Variants in GLI1 observed in about 807,000 individuals in gnomAD.
GLI1 encodes GLI family zinc finger 1.
In GLI1, 51 loss-of-function variants were observed where a neutral mutation model predicts 87.8. That is an observed-to-expected ratio of 0.58 (90% CI 0.46 to 0.73). The LOEUF is 0.73. Ranked by LOEUF, GLI1 falls within the 30% of genes least tolerant of loss-of-function variation. GLI1 has a pLI of 0.00. For missense variants in GLI1, 1,292 were observed against 1,437.2 expected (o/e 0.90, Z 1.63); for synonymous variants, 528 against 558.2 (o/e 0.95, Z 0.76).
chr12:57,466,764 C>T (rs1040918553), intron 8 of GLI1, among the ~76,000 whole-genome samples: 1 of 151,922 alleles, frequency 6.6e-6, no homozygotes, highest in Non-Finnish European at 1.5e-5. Context: ...ATTAGCTGGG[C>T]GTGGTGATGG....
At chr12:57,466,903 CA>C (rs901293202) in intron 8 of GLI1, among the ~76,000 whole-genome samples, 2 of 150,698 alleles carry the variant, frequency 1.3e-5, no homozygotes, top group Admixed American at 6.6e-5. Flanking sequence ...AACTCCGCCT[CA>C]AAAAAAAAAT....
chr12:57,465,690 C>G lies in GLI1; in HGVS notation c.618C>G (p.Gly206=), dbSNP rs1485799389. ...ATATGTCCAGCCCCAACTCCACAGG[C>G]ATACAGGTAAGGGGATGGGCAGGAG... The part of the protein sequence containing the change: ...EGDMSSPNST[G]IQDPLLGMLD... The change falls in exon 6 of 12, where the codon GGC becomes GGG. Residue 206 remains glycine, a synonymous_variant. Transcript: ENST00000228682. 6.2e-7 allele frequency: 1 copy of G among 1,613,848 alleles called. No individual in the cohort carries two copies. The highest frequency in any genetic ancestry group is 1.7e-5 in the Admixed American group (1 of 60,028).
In GLI1 at chr12:57,470,798, A is replaced by G. The variant is rs754047324; in HGVS notation, c.2058A>G (p.Ser686=). The stretch of plus-strand genomic sequence containing the variant: ...CTTACCTCCCAACCTCTGTCTACTC[A>G]CCACAGCCCCCCAGCATCACTGAGA... ...FDPYLPTSVY[S]PQPPSITENA... The change falls in exon 12 of 12, where the codon TCA becomes TCG. Residue 686 remains serine, a synonymous_variant. Coordinates refer to ENST00000228682, the MANE Select transcript of GLI1 (RefSeq NM_005269.3). The G allele has an allele frequency of 1.9e-5, 31 of 1,612,284 alleles. No homozygotes were observed. The highest frequency in any genetic ancestry group is 2.6e-5 in the Non-Finnish European group (31 of 1,179,084).
intron 5 of GLI1, 65 bp downstream of exon 5, chr12:57,465,320 AG>A: frequency 7.1e-7 from 1 of 1,416,058 alleles, no homozygotes; most frequent in East Asian, 2.3e-5. Context: ...TGGATTTTGT[AG>A]GGGAAAGGTG....
At chr12:57,463,312 G>C (rs1338172753) in intron 1 of GLI1, among the ~76,000 whole-genome samples, 1 of 152,178 alleles carries the variant, frequency 6.6e-6, no homozygotes, top group Admixed American at 6.5e-5. Context: ...CCGCCTCCCA[G>C]GTTCAAGCGA....
At chr12:57,466,560 T>G (rs956200285) in intron 8 of GLI1, among the ~76,000 whole-genome samples, 171 bp downstream of exon 8, 1 of 152,280 alleles carries the variant, frequency 6.6e-6, no homozygotes, top group African/African-American at 2.4e-5. Flanking sequence ...TGATATATAT[T>G]AAAACACTCT....
chr12:57,465,836 G>A lies in GLI1; in HGVS notation c.673G>A (p.Glu225Lys), dbSNP rs764532761. Residue 225 changes from glutamate to lysine, a missense_variant, in exon 7 of 12, where the codon GAG (glutamate) becomes AAG (lysine). Glu to Lys is a moderately conservative substitution (Grantham distance 56). Coordinates refer to ENST00000228682, the MANE Select transcript of GLI1 (RefSeq NM_005269.3). ...TGGGCGGGAGGACCTCGAGAGAGAG[G>A]AGAAGCGTGAGCCTGAATCTGTGTA... is the stretch of plus-strand genomic sequence containing the variant. ...LDGREDLEREEKREPESVYET... is the reference protein window; with the variant it reads ...LDGREDLEREKKREPESVYET... The A allele has an allele frequency of 7.3e-5, 118 of 1,614,000 alleles. No individual in the cohort carries two copies. The highest frequency in any genetic ancestry group is 9.8e-5 in the Non-Finnish European group (116 of 1,179,946).
intron 8 of GLI1, 129 bp downstream of exon 8, chr12:57,466,518 G>C: frequency 1.6e-6 from 1 of 643,562 alleles, no homozygotes; most frequent in Non-Finnish European, 2.6e-6. Flanking sequence ...AATAATGTTT[G>C]TGTGACTGTG....
chr12:57,470,521 C>T lies in GLI1; in HGVS notation c.1781C>T (p.Ala594Val), dbSNP rs541715256. The T allele has an allele frequency of 6.2e-7, 1 of 1,613,986 alleles. No homozygotes were observed. The highest frequency in any genetic ancestry group is 1.1e-5 in the South Asian group (1 of 91,070). The change falls in exon 12 of 12, where the codon GCT (alanine) becomes GTT (valine). Residue 594 changes from alanine (A) to valine (V), a missense_variant. Ala to Val is a moderately conservative substitution (Grantham distance 64). This residue lies in a region of GLI1 where 897 missense variants were observed against 1,040.7 expected (regional missense o/e 0.86). Coordinates refer to ENST00000228682, the MANE Select transcript of GLI1 (RefSeq NM_005269.3). Reference protein sequence around the residue: ...AQHYLLRARYASARGGGTSPT... With the variant: ...AQHYLLRARYVSARGGGTSPT... Reference sequence around the variant, plus strand: ...CACTACCTGCTTCGGGCAAGATATGCTTCAGCCAGAGGGGGTGGTACTTCG... The same window carrying T: ...CACTACCTGCTTCGGGCAAGATATGTTTCAGCCAGAGGGGGTGGTACTTCG...
intron 8 of GLI1, among the ~76,000 whole-genome samples, 179 bp downstream of exon 8, chr12:57,466,568 T>G (rs1871500989): frequency 6.6e-6 from 1 of 152,140 alleles, no homozygotes; most frequent in Admixed American, 6.5e-5. Context: ...ATTAAAACAC[T>G]CTTGGACCTA....
At chr12:57,462,867 C>T (rs544810667) in intron 1 of GLI1, among the ~76,000 whole-genome samples, 1 of 152,238 alleles carries the variant, frequency 6.6e-6, no homozygotes, top group African/African-American at 2.4e-5. Context: ...AGATTGTACA[C>T]GGGCTGTCCC....
Position 57,470,549 on chromosome 12 carries a change from C to T in GLI1, c.1809C>T (p.Pro603=), listed in dbSNP as rs537462592. Residue 603 remains proline (P), a synonymous_variant, in exon 12 of 12, where the codon CCC becomes CCT. Coordinates refer to ENST00000228682, the MANE Select transcript of GLI1 (RefSeq NM_005269.3). The part of the protein sequence containing the change: ...YASARGGGTS[P]TAASSLDRIG... ...CAGCCAGAGGGGGTGGTACTTCGCC[C>T]ACTGCAGCATCCAGCCTGGATCGGA... The T allele has an allele frequency of 2.5e-6, 4 of 1,614,070 alleles. No individual in the cohort carries two copies. The Admixed American group carries it at 6.7e-5, about 27-fold the overall frequency.
chr12:57,466,235 C>T lies in GLI1; in HGVS notation c.763-5C>T. 5 of 1,611,404 alleles carry T rather than the reference C, an allele frequency of 3.1e-6. No individual in the cohort carries two copies. The highest frequency in any genetic ancestry group is 4.2e-6 in the Non-Finnish European group (5 of 1,178,396). On this transcript the variant is annotated splice_polypyrimidine_tract_variant and splice_region_variant and intron_variant, in intron 7 of 11. Coordinates refer to ENST00000228682, the MANE Select transcript of GLI1 (RefSeq NM_005269.3). ...CTTGGAGAGCCTTTGTATCTTCTCC[C>T]TCAGCACATCAACAGCGAGCACATC...
rs1871857623 is a variant in GLI1, at chr12:57,470,846, G to A, written c.2106G>A (p.Gly702=). The change falls in exon 12 of 12, where the codon GGG becomes GGA. Residue 702 remains glycine, a synonymous_variant. Transcript: ENST00000228682. ...ITENAAMDAR[G]LQEEPEVGTS... ...AGAATGCTGCCATGGATGCTAGAGG[G>A]CTACAGGAAGAGCCAGAAGTTGGGA... 7 of 1,609,932 alleles carry A rather than the reference G, an allele frequency of 4.3e-6. No individual in the cohort carries two copies. The highest frequency in any genetic ancestry group is 2.7e-5 in the African/African-American group (2 of 74,972).
chr12:57,468,466 TCTTC>T (rs1432158799), intron 10 of GLI1, among the ~76,000 whole-genome samples: 3 of 151,984 alleles, frequency 2.0e-5, no homozygotes, highest in Non-Finnish European at 4.4e-5. Context: ...TTCTTTCCTT[TCTTC>T]CTTTCTTTCT....
chr12:57,468,152 G>A lies in GLI1; in HGVS notation c.1236G>A (p.Val412=), dbSNP rs1256538585. ...CTCGGGCACCATCCATTTCTACAGT[G>A]GAGCCCAAGAGGGAGCGGGAAGGAG... The part of the protein sequence containing the change: ...PLPRAPSIST[V]EPKREREGGP... The change falls in exon 10 of 12, where the codon GTG becomes GTA. Residue 412 remains valine (V), a synonymous_variant. Transcript: ENST00000228682. 1.2e-6 allele frequency: 2 copies of A among 1,614,094 alleles called. No homozygotes were observed. The highest frequency in any genetic ancestry group is 1.7e-6 in the Non-Finnish European group (2 of 1,180,036).
intron 1 of GLI1, among the ~76,000 whole-genome samples, chr12:57,462,249 G>A (rs983898897): frequency 6.6e-6 from 1 of 151,714 alleles, no homozygotes; most frequent in Non-Finnish European, 1.5e-5. Context: ...CCAAGGTCGA[G>A]TTGGGAGGTC....
chr12:57,467,338 AG>A lies in GLI1; in HGVS notation c.921del (p.Cys308AlafsTer11). ...GACCCCTGCATGTCCCCCAGTTTGA[AG>A]GGTGCCGGAAGTCATACTCACGCCT... Reference protein sequence around the residue: ...GEKPHKCTFEGCRKSYSRLEN... With the variant: ...GEKPHKCTFEXCRKSYSRLEN... On this transcript the variant is annotated frameshift_variant, in exon 9 of 12. Transcript: ENST00000228682. LOFTEE classifies it high-confidence loss of function. The A allele has an allele frequency of 1.2e-6, 2 of 1,603,934 alleles. No homozygotes were observed. Among genetic ancestry groups the A allele is most frequent in the Non-Finnish European group, 1.7e-6 (2 of 1,172,050 alleles).
chr12:57,459,823 C>T lies in GLI1; in HGVS notation c.-406C>T, dbSNP rs1315500627. Among the ~76,000 whole-genome samples, 5 of 148,976 alleles carry T rather than the reference C, an allele frequency of 3.4e-5. No individual in the cohort carries two copies. Among genetic ancestry groups the T allele is most frequent in the Non-Finnish European group, 6.0e-5 (4 of 67,208 alleles). On this transcript the variant is annotated 5_prime_UTR_variant, in exon 1 of 12. Transcript: ENST00000228682. ...GGTCCCTCAAGGGAGGGGGAGGATCCTGGGGGTCCTGGGGGTGCAATAAGC... is the reference window on the plus strand; with the variant it reads ...GGTCCCTCAAGGGAGGGGGAGGATCTTGGGGGTCCTGGGGGTGCAATAAGC...
Sources: gnomAD v4.1 joint callset for allele counts (sites outside exome capture counted in the v4.1 genomes callset) on GRCh38, gnomAD v4.1.1 for gene constraint, gnomAD v4.1.1 regional missense constraint, MANE v1.5 for transcripts, NCBI Gene and HGNC (gene_info 2026-07-23, HGNC 2026-07-21) for gene names.